The following CSMD3 variants were observed in gnomAD, a reference collection of about 807,000 sequenced individuals.
The protein encoded by CSMD3 is CUB and Sushi multiple domains 3.
A neutral mutation model predicts 435.2 loss-of-function variants in CSMD3; 177 were observed. The observed-to-expected ratio is 0.41, with a 90% CI of 0.36 to 0.46. The LOEUF (loss-of-function observed/expected upper bound fraction) is 0.46. Ranked by LOEUF, CSMD3 falls within the 20% of genes least tolerant of loss-of-function variation. CSMD3 has a pLI of 0.34. For synonymous variants in CSMD3, 1,656 were observed against 1,520.5 expected (o/e 1.09, Z -2.07); for missense variants, 4,265 against 4,504.6 (o/e 0.95, Z 1.52).
At chr8:113,161,400 T>C (rs548286444) in intron 4 of CSMD3, among the ~76,000 whole-genome samples, 1 of 152,256 alleles carries the variant, frequency 6.6e-6, no homozygotes, top group South Asian at 2.1e-4. Context: ...CAAGAAAGGA[T>C]GAAAATCATA....
At chr8:112,671,953 A>G (rs745603805) in intron 16 of CSMD3, among the ~76,000 whole-genome samples, 1 of 152,048 alleles carries the variant, frequency 6.6e-6, no homozygotes, top group Non-Finnish European at 1.5e-5. Flanking sequence ...ATAAACATTT[A>G]GTTTCTGCTA....
At chr8:113,107,866 T>A (rs2090526992) in intron 4 of CSMD3, among the ~76,000 whole-genome samples, 1 of 152,214 alleles carries the variant, frequency 6.6e-6, no homozygotes, top group African/African-American at 2.4e-5. Context: ...TTGTTCATAT[T>A]ATATCTGTTA....
intron 38 of CSMD3, among the ~76,000 whole-genome samples, chr8:112,354,388 G>GA (rs954806630): frequency 2.6e-5 from 4 of 151,992 alleles, no homozygotes; most frequent in Admixed American, 1.3e-4. Context: ...ATCCAAAAAG[G>GA]AAAAAACAAT....
intron 38 of CSMD3, among the ~76,000 whole-genome samples, chr8:112,359,291 T>C (rs1826944355): frequency 6.6e-6 from 1 of 152,190 alleles, no homozygotes; most frequent in African/African-American, 2.4e-5. Context: ...CTGTGCCAGA[T>C]TATTTCTCTC....
At chr8:112,784,042 GA>G (rs1187416199) in intron 13 of CSMD3, among the ~76,000 whole-genome samples, 1 of 151,986 alleles carries the variant, frequency 6.6e-6, no homozygotes, top group African/African-American at 2.4e-5. Flanking sequence ...TATCCAGATA[GA>G]AAATCAACAA....
chr8:113,002,112 G>A (rs935602133), intron 6 of CSMD3, among the ~76,000 whole-genome samples: 1 of 152,072 alleles, frequency 6.6e-6, no homozygotes, highest in Admixed American at 6.6e-5. Flanking sequence ...TTGATAACAT[G>A]AAAGCTGACT....
chr8:112,504,250 A>G (rs919750598), intron 29 of CSMD3, among the ~76,000 whole-genome samples: 1 of 152,156 alleles, frequency 6.6e-6, no homozygotes, highest in African/African-American at 2.4e-5. Flanking sequence ...ATTGTAAGAC[A>G]AAGAGTTTAG....
chr8:112,791,912 G>A (rs1331522233), intron 13 of CSMD3, among the ~76,000 whole-genome samples: 1 of 152,098 alleles, frequency 6.6e-6, no homozygotes, highest in African/African-American at 2.4e-5. Context: ...CACCACTCTA[G>A]TGGGTATGTA....
intron 3 of CSMD3, among the ~76,000 whole-genome samples, chr8:113,229,327 C>T (rs980614691): frequency 2.6e-5 from 4 of 151,488 alleles, no homozygotes; most frequent in African/African-American, 7.3e-5. Flanking sequence ...TTGTTGGTTA[C>T]TTTTTAATGT....
intron 68 of CSMD3, among the ~76,000 whole-genome samples, chr8:112,232,381 G>A (rs1813168859): frequency 6.6e-6 from 1 of 152,178 alleles, no homozygotes; most frequent in Non-Finnish European, 1.5e-5. Context: ...GCCAAGGAGG[G>A]CAAATCACTT....
At chr8:112,336,939 C>T (rs775340544) in intron 43 of CSMD3, 110 bp from the exon 44 acceptor site, 24 of 924,094 alleles carry the variant, frequency 2.6e-5, no homozygotes, top group Non-Finnish European at 3.6e-5. Context: ...CACATTTATG[C>T]CTTGTTTTTA....
rs772719987 is a variant in CSMD3, at chr8:112,656,319, C to A, written c.2839G>T (p.Asp947Tyr). 6.2e-7 allele frequency: 1 copy of A among 1,613,062 alleles called. No homozygotes were observed. Among genetic ancestry groups the A allele is most frequent in the South Asian group, 1.1e-5 (1 of 91,012 alleles). Reference sequence around the variant, plus strand: ...GGCCCATCATGAACTTCCAGAACATCATAATTCAGTTCAGTCTGAAATCTA... The same window carrying A: ...GGCCCATCATGAACTTCCAGAACATAATAATTCAGTTCAGTCTGAAATCTA... ...FERFQTELNY[D>Y]VLEVHDGPNL... Residue 947 changes from aspartate (D) to tyrosine (Y), a missense_variant, in exon 18 of 71, where the codon GAT becomes TAT. Asp to Tyr is a radical substitution (Grantham distance 160). Coordinates refer to ENST00000297405, the MANE Select transcript of CSMD3 (RefSeq NM_198123.2).
intron 23 of CSMD3, among the ~76,000 whole-genome samples, chr8:112,576,142 T>C (rs2853248): frequency 0.99 from 150,291 of 152,182 alleles, 74,224 homozygotes; most frequent in East Asian, 1. Context: ...CCAAAAATAG[T>C]CAAATAAAGG....
intron 13 of CSMD3, among the ~76,000 whole-genome samples, chr8:112,749,203 G>A (rs2077510850): frequency 6.6e-6 from 1 of 151,936 alleles, no homozygotes. Context: ...TTTTCCTCTT[G>A]TGAATTTGTT....
chr8:112,927,504 T>A (rs1046374260), intron 9 of CSMD3, among the ~76,000 whole-genome samples: 32 of 152,228 alleles, frequency 2.1e-4, no homozygotes, highest in African/African-American at 7.7e-4. Context: ...AACTCTCATT[T>A]TAAGCTGGTA....
chr8:112,369,672 T>C (rs1828130781), intron 38 of CSMD3, among the ~76,000 whole-genome samples: 1 of 151,826 alleles, frequency 6.6e-6, no homozygotes, highest in South Asian at 2.1e-4. Context: ...TGAGAACACA[T>C]GGACACAGGG....
chr8:112,434,116 A>G (rs2035896), intron 32 of CSMD3, among the ~76,000 whole-genome samples: 64,856 of 151,994 alleles, frequency 0.43, 14,829 homozygotes, highest in Middle Eastern at 0.6. Flanking sequence ...AAGTTATTCC[A>G]GACAGTGTGA....
At chr8:113,425,572 T>C (rs1336758624) in intron 1 of CSMD3, among the ~76,000 whole-genome samples, 2 of 151,548 alleles carry the variant, frequency 1.3e-5, no homozygotes, top group African/African-American at 2.4e-5. Flanking sequence ...TGATATCTAC[T>C]TGTTAATATA....
At chr8:112,627,865 G>A (rs1172470781) in intron 22 of CSMD3, among the ~76,000 whole-genome samples, 1 of 152,090 alleles carries the variant, frequency 6.6e-6, no homozygotes, top group Non-Finnish European at 1.5e-5. Flanking sequence ...CAAAGTTTGT[G>A]GCAGACACAC....
Sources: gnomAD v4.1 joint callset for allele counts (sites outside exome capture counted in the v4.1 genomes callset) on GRCh38, gnomAD v4.1.1 for gene constraint, MANE v1.5 for transcripts, NCBI Gene and HGNC (gene_info 2026-07-23, HGNC 2026-07-21) for gene names.